Variants in UBE2H observed in about 807,000 individuals in gnomAD.
The protein encoded by UBE2H is ubiquitin-conjugating enzyme E2 H.
UBE2H carries 3 observed loss-of-function variants against 29.0 expected under a neutral mutation model. The observed-to-expected ratio is 0.10, with a 90% CI of 0.05 to 0.27. The LOEUF (loss-of-function observed/expected upper bound fraction) is 0.27. Ranked by LOEUF, UBE2H falls within the 10% of genes least tolerant of loss-of-function variation. The probability of loss-of-function intolerance (pLI) is 1.00; values close to 1 mark genes in which losing one functional copy is unlikely to be tolerated. For missense variants in UBE2H, 68 were observed against 228.2 expected (o/e 0.30, Z 4.52); for synonymous variants, 69 against 82.9 (o/e 0.83, Z 0.91).
At chr7:129,909,584 G>A (rs947373034) in intron 1 of UBE2H, among the ~76,000 whole-genome samples, 2 of 152,278 alleles carry the variant, frequency 1.3e-5, no homozygotes. Flanking sequence ...GGCCGGGAGT[G>A]GTGGCTCACG....
chr7:129,857,380 T>C (rs1434417835), intron 5 of UBE2H, 131 bp downstream of exon 5: 3 of 861,812 alleles, frequency 3.5e-6, no homozygotes, highest in African/African-American at 1.7e-5. Flanking sequence ...TGATCAAACT[T>C]TCCCAGTCGG....
At chr7:129,948,894 A>G in intron 1 of UBE2H, 1 of 370,228 alleles carries the variant, frequency 2.7e-6, no homozygotes, top group Non-Finnish European at 5.6e-6. Flanking sequence ...TTCCTGTAAC[A>G]CCACTCAGAG....
rs571660569 is a variant in UBE2H at position 129,907,185 on chromosome 7, C to T, written c.54-26214G>A. 3.9e-5 allele frequency among the ~76,000 whole-genome samples: 6 copies of T among 152,084 alleles called. No homozygotes were observed. In the East Asian group the frequency reaches 7.7e-4, roughly 20 times the overall value. On this transcript the variant is annotated intron_variant, in intron 1 of 6. Coordinates refer to ENST00000355621, the MANE Select transcript of UBE2H (RefSeq NM_003344.4). Reference sequence around the variant, plus strand: ...AAAACTCCGTTGTACGTTTCCTACCCCATCATAGTTTACAACTTTGTTGGG... The same window carrying T: ...AAAACTCCGTTGTACGTTTCCTACCTCATCATAGTTTACAACTTTGTTGGG...
At chr7:129,865,257 G>A (rs1439242502) in intron 3 of UBE2H, among the ~76,000 whole-genome samples, 1 of 152,036 alleles carries the variant, frequency 6.6e-6, no homozygotes, top group East Asian at 1.9e-4. Flanking sequence ...ATTGTGCTAA[G>A]TCATGCTGAA....
At chr7:129,859,178 C>T (rs1164002799) in intron 3 of UBE2H, among the ~76,000 whole-genome samples, 1 of 152,128 alleles carries the variant, frequency 6.6e-6, no homozygotes, top group African/African-American at 2.4e-5. Flanking sequence ...GCTTCTTATA[C>T]AAAACAATCA....
At chr7:129,952,114 C>G (rs965329633) in intron 1 of UBE2H, among the ~76,000 whole-genome samples, 4 of 152,064 alleles carry the variant, frequency 2.6e-5, no homozygotes, top group African/African-American at 9.7e-5. Context: ...TCGGGAATTT[C>G]TGCCTTGATT....
intron 5 of UBE2H, among the ~76,000 whole-genome samples, chr7:129,844,601 C>T (rs554457321): frequency 3.9e-5 from 6 of 152,236 alleles, no homozygotes; most frequent in South Asian, 2.1e-4. Context: ...TTGACCTAAA[C>T]CTGTAGAGTA....
At chr7:129,950,273 T>C (rs1807847531) in intron 1 of UBE2H, among the ~76,000 whole-genome samples, 1 of 152,184 alleles carries the variant, frequency 6.6e-6, no homozygotes, top group African/African-American at 2.4e-5. Flanking sequence ...TCTACAATTT[T>C]AAAGCGCCTC....
At chr7:129,942,046 C>A (rs757460057) in intron 1 of UBE2H, among the ~76,000 whole-genome samples, 1 of 151,540 alleles carries the variant, frequency 6.6e-6, no homozygotes, top group Non-Finnish European at 1.5e-5. Context: ...CCTGTTTCTA[C>A]GAAAAATACA....
intron 1 of UBE2H, among the ~76,000 whole-genome samples, chr7:129,893,349 A>C (rs1282070630): frequency 6.6e-6 from 1 of 152,226 alleles, no homozygotes; most frequent in Non-Finnish European, 1.5e-5. Context: ...CCAGACTTCC[A>C]AATAATAGAG....
At chr7:129,936,055 T>C (rs1807521629) in intron 1 of UBE2H, among the ~76,000 whole-genome samples, 1 of 152,170 alleles carries the variant, frequency 6.6e-6, no homozygotes, top group Non-Finnish European at 1.5e-5. Flanking sequence ...CAGTCCAGGT[T>C]TTCTCGAAGT....
intron 1 of UBE2H, among the ~76,000 whole-genome samples, chr7:129,932,683 A>C (rs1807431736): frequency 6.6e-6 from 1 of 150,826 alleles, no homozygotes; most frequent in African/African-American, 2.4e-5. Flanking sequence ...CTGAGGCAGA[A>C]GAATTGCCTG....
chr7:129,835,479 T>C (rs1805306075), intron 6 of UBE2H, among the ~76,000 whole-genome samples: 1 of 152,190 alleles, frequency 6.6e-6, no homozygotes, highest in African/African-American at 2.4e-5. Flanking sequence ...AGTTACATAA[T>C]TACGGTCAGT....
chr7:129,887,803 ATTACGGTGAGCCAAAG>A (rs1317455241), intron 1 of UBE2H, among the ~76,000 whole-genome samples: 1 of 152,026 alleles, frequency 6.6e-6, no homozygotes, highest in East Asian at 1.9e-4. Flanking sequence ...GGAGGCGGAG[ATTACGGTGAGCCAAAG>A]TTACGGTGAG....
intron 1 of UBE2H, among the ~76,000 whole-genome samples, chr7:129,903,516 AC>A (rs2116428357): frequency 6.6e-6 from 1 of 152,250 alleles, no homozygotes; most frequent in Admixed American, 6.5e-5. Context: ...TAATCCCAAC[AC>A]TTTAGGAGAC....
At chr7:129,855,800 G>A (rs1805694792) in intron 5 of UBE2H, among the ~76,000 whole-genome samples, 1 of 152,222 alleles carries the variant, frequency 6.6e-6, no homozygotes, top group Non-Finnish European at 1.5e-5. Context: ...GGGAGGCTGA[G>A]ATGGGAGGAC....
At chr7:129,907,986 A>T (rs892801672) in intron 1 of UBE2H, among the ~76,000 whole-genome samples, 1 of 152,174 alleles carries the variant, frequency 6.6e-6, no homozygotes, top group African/African-American at 2.4e-5. Context: ...GCCATGATAG[A>T]GTATTTATAC....
intron 1 of UBE2H, among the ~76,000 whole-genome samples, chr7:129,921,051 T>C (rs990612364): frequency 3.8e-4 from 57 of 151,632 alleles, no homozygotes; most frequent in African/African-American, 1.3e-3. Context: ...ATATTACACG[T>C]GATTTTTTTT....
At chr7:129,870,635 G>A (rs1584756025) in intron 3 of UBE2H, among the ~76,000 whole-genome samples, 1 of 152,134 alleles carries the variant, frequency 6.6e-6, no homozygotes, top group Non-Finnish European at 1.5e-5. Context: ...CCTTGTCCAA[G>A]CCACCAGCAT....
Sources: gnomAD v4.1 joint callset for allele counts (sites outside exome capture counted in the v4.1 genomes callset) on GRCh38, gnomAD v4.1.1 for gene constraint, MANE v1.5 for transcripts, NCBI Gene and HGNC (gene_info 2026-07-23, HGNC 2026-07-21) for gene names.